SCG3: variants seen among roughly 807,000 people sequenced by gnomAD.
The protein encoded by SCG3 is secretogranin-3.
SCG3 carries 38 observed loss-of-function variants against 56.2 expected under a neutral mutation model. The ratio of observed to expected loss-of-function variants is 0.68; its 90% CI spans 0.52 to 0.89. SCG3 has a LOEUF of 0.89. Among genes scored for constraint, SCG3 ranks in the 40% least tolerant of loss-of-function variants. The probability of loss-of-function intolerance (pLI) is 0.00; values close to 1 mark genes in which losing one functional copy is unlikely to be tolerated. For synonymous variants in SCG3, 176 were observed against 184.2 expected (o/e 0.96, Z 0.36); for missense variants, 524 against 540.7 (o/e 0.97, Z 0.31).
chr15:51,696,004 G>C lies in SCG3; in HGVS notation c.985+13G>C, dbSNP rs774691028. 1.4e-6 allele frequency: 2 copies of C among 1,450,898 alleles called. No individual in the cohort carries two copies. Among genetic ancestry groups the C allele is most frequent in the East Asian group, 4.5e-5 (2 of 44,110 alleles). The allele number at this position is 1,450,898 out of a possible 1,614,324, so 89.9% of individuals were successfully genotyped here. On this transcript the variant is annotated intron_variant, in intron 8 of 11. Coordinates refer to ENST00000220478, the MANE Select transcript of SCG3 (RefSeq NM_013243.4). ...GTTTCCTACCTTGGTGAGATTCTATGTGTTTTGTTTCTACTGTGGTGGTTT... is the reference window on the plus strand; with the variant it reads ...GTTTCCTACCTTGGTGAGATTCTATCTGTTTTGTTTCTACTGTGGTGGTTT...
intron 4 of SCG3, among the ~76,000 whole-genome samples, chr15:51,687,914 A>T (rs1452317202): frequency 6.6e-6 from 1 of 152,236 alleles, no homozygotes; most frequent in Non-Finnish European, 1.5e-5. Context: ...TACATTGAAT[A>T]ATATGACATG....
At chr15:51,713,164 CACAA>C in intron 10 of SCG3, 165 bp from the exon 11 acceptor site, 1 of 453,590 alleles carries the variant, frequency 2.2e-6, no homozygotes, top group South Asian at 2.3e-5. Context: ...CCCCTCAACA[CACAA>C]ACACACATAG....
intron 7 of SCG3, among the ~76,000 whole-genome samples, chr15:51,695,353 G>A (rs2055295938): frequency 6.6e-6 from 1 of 152,120 alleles, no homozygotes; most frequent in African/African-American, 2.4e-5. Flanking sequence ...TTGTTGGCTT[G>A]CCAGTCTTCT....
At chr15:51,702,068 G>T (rs925488150) in intron 10 of SCG3, among the ~76,000 whole-genome samples, 1 of 151,956 alleles carries the variant, frequency 6.6e-6, no homozygotes, top group Non-Finnish European at 1.5e-5. Context: ...ATGTACCCTA[G>T]AACTTAAAGT....
intron 10 of SCG3, among the ~76,000 whole-genome samples, chr15:51,707,490 G>A (rs1161435491): frequency 6.6e-6 from 1 of 152,204 alleles, no homozygotes; most frequent in African/African-American, 2.4e-5. Flanking sequence ...AGGCTTGGGA[G>A]AGCTATATAT....
chr15:51,695,243 G>C lies in SCG3; in HGVS notation c.869-632G>C, dbSNP rs567414633. ...AAATCAATTTTGTATTTATAAACTA[G>C]AACTATATATGTTCTTATTTTCAAT... On this transcript the variant is annotated intron_variant, in intron 7 of 11. Transcript: ENST00000220478. Among the ~76,000 whole-genome samples, 52 of 150,760 alleles carry C rather than the reference G, an allele frequency of 3.4e-4. 1 individual carries two copies. Among genetic ancestry groups the C allele is most frequent in the Non-Finnish European group, 4.9e-4 (33 of 67,986 alleles).
At chr15:51,690,692 G>A (rs1161167418) in intron 6 of SCG3, among the ~76,000 whole-genome samples, 2 of 150,984 alleles carry the variant, frequency 1.3e-5, no homozygotes, top group Non-Finnish European at 2.9e-5. Flanking sequence ...AAGCTTACCA[G>A]TCTGAGCTAA....
rs2055486076 is a variant in SCG3, at chr15:51,719,968, G to A, written c.*442G>A. The A allele has an allele frequency of 1.3e-5, 2 of 153,246 alleles. No homozygotes were observed. Among genetic ancestry groups the A allele is most frequent in the South Asian group, 2.1e-4 (1 of 4,848 alleles). 9.5% of individuals were successfully genotyped at this position (153,246 alleles called of 1,614,324 possible). On this transcript the variant is annotated 3_prime_UTR_variant, in exon 12 of 12. Transcript: ENST00000220478. Reference sequence around the variant, plus strand: ...CATTTCCACCAGCAGTTCCCTTAGGGGAGCTGAAATAAATTCACATTTTCT... The same window carrying A: ...CATTTCCACCAGCAGTTCCCTTAGGAGAGCTGAAATAAATTCACATTTTCT...
intron 10 of SCG3, among the ~76,000 whole-genome samples, chr15:51,709,041 C>A (rs530178124): frequency 6.6e-6 from 1 of 152,242 alleles, no homozygotes; most frequent in Non-Finnish European, 1.5e-5. Flanking sequence ...TAAATACATA[C>A]CCGAGACTGG....
intron 10 of SCG3, among the ~76,000 whole-genome samples, chr15:51,701,480 A>T (rs1049890271): frequency 1.3e-5 from 2 of 152,142 alleles, no homozygotes; most frequent in Non-Finnish European, 2.9e-5. Flanking sequence ...TGTTCAATGG[A>T]CTTTTGTGTT....
At chr15:51,697,132 C>CTGTGTGTGTGTG (rs3078107) in intron 8 of SCG3, among the ~76,000 whole-genome samples, 4,052 of 145,904 alleles carry the variant, frequency 0.028, 121 homozygotes, top group African/African-American at 0.069. Flanking sequence ...AGATGTTATT[C>CTGTGTGTGTGTG]TGTGTGTGTG....
intron 4 of SCG3, among the ~76,000 whole-genome samples, chr15:51,685,701 G>A (rs2141558326): frequency 6.6e-6 from 1 of 152,316 alleles, no homozygotes; most frequent in Middle Eastern, 3.4e-3. Context: ...GCTAACTTCT[G>A]CCGGATGTGT....
chr15:51,704,764 C>CATACATATATATATAT (rs572035996), intron 10 of SCG3, among the ~76,000 whole-genome samples: 2 of 67,010 alleles, frequency 3.0e-5, no homozygotes, highest in South Asian at 6.3e-4. Context: ...GTGAGTAATA[C>CATACATATATATATAT]ATATATATAT....
chr15:51,701,114 A>G lies in SCG3; in HGVS notation c.1077A>G (p.Ser359=), dbSNP rs1400250159. The change falls in exon 10 of 12, where the codon TCA becomes TCG. Residue 359 remains serine, a synonymous_variant. Coordinates refer to ENST00000220478, the MANE Select transcript of SCG3 (RefSeq NM_013243.4). ...TGCTCAATCTGATTACAGCACCATC[A>G]GAGAAGAGTCATGAAGAAACAGACA... ...DNISKLFPAP[S]EKSHEETDST... is the part of the protein sequence containing the mutation. 1 of 1,613,790 alleles carries G rather than the reference A, an allele frequency of 6.2e-7. No homozygotes were observed. Among genetic ancestry groups the G allele is most frequent in the African/African-American group, 1.3e-5 (1 of 74,938 alleles).
intron 11 of SCG3, among the ~76,000 whole-genome samples, chr15:51,715,652 C>T (rs765495100): frequency 6.6e-6 from 1 of 152,204 alleles, no homozygotes; most frequent in Non-Finnish European, 1.5e-5. Flanking sequence ...AAGATGGCTA[C>T]TGGCTTATGT....
intron 9 of SCG3, among the ~76,000 whole-genome samples, chr15:51,699,817 T>C (rs2055328016): frequency 6.6e-6 from 1 of 152,032 alleles, no homozygotes; most frequent in African/African-American, 2.4e-5. Context: ...CCAGGTTTTC[T>C]CTCTCCCCTG....
chr15:51,697,283 C>G (rs149793502), intron 8 of SCG3, among the ~76,000 whole-genome samples: 179 of 143,312 alleles, frequency 1.2e-3, no homozygotes, highest in African/African-American at 5.3e-3. Context: ...ATATCAATAA[C>G]TTTCATATCA....
rs752368459 is a variant in SCG3 at position 51,688,286 on chromosome 15, G to C, written c.424G>C (p.Asp142His). 6.2e-7 allele frequency: 1 copy of C among 1,613,822 alleles called. No homozygotes were observed. Among genetic ancestry groups the C allele is most frequent in the East Asian group, 2.2e-5 (1 of 44,872 alleles). The part of the protein sequence containing the change: ...QDDPDGLHQL[D>H]GTPLTAEDIV... ...TGATCCAGATGGTCTTCATCAACTA[G>C]ACGGGACTCCTTTAACCGCTGAAGA... Residue 142 changes from aspartate to histidine, a missense_variant, in exon 5 of 12, where the codon GAC (aspartate) becomes CAC (histidine). By Grantham distance (81) the Asp-to-His change is moderately conservative. Transcript: ENST00000220478.
intron 10 of SCG3, among the ~76,000 whole-genome samples, chr15:51,711,503 A>T (rs983054284): frequency 2.6e-5 from 4 of 152,254 alleles, no homozygotes; most frequent in Admixed American, 2.6e-4. Context: ...CCCTATGGGG[A>T]TCAGTAATTT....
Sources: gnomAD v4.1 joint callset for allele counts (sites outside exome capture counted in the v4.1 genomes callset) on GRCh38, gnomAD v4.1.1 for gene constraint, MANE v1.5 for transcripts, NCBI Gene and HGNC (gene_info 2026-07-23, HGNC 2026-07-21) for gene names.